PLCB1: variants seen among roughly 807,000 people sequenced by gnomAD.
PLCB1 encodes the protein 1-phosphatidylinositol 4,5-bisphosphate phosphodiesterase beta-1.
A neutral mutation model predicts 161.8 loss-of-function variants in PLCB1; 46 were observed. That is an observed-to-expected ratio of 0.28 (90% CI 0.22 to 0.36). The LOEUF (loss-of-function observed/expected upper bound fraction) is 0.36, where lower values mean the gene tolerates loss of function less well. Ranked by LOEUF, PLCB1 falls within the 10% of genes least tolerant of loss-of-function variation. The probability of loss-of-function intolerance (pLI) is 1.00; values close to 1 mark genes in which losing one functional copy is unlikely to be tolerated. For missense variants in PLCB1, 1,016 were observed against 1,472.5 expected, an observed-to-expected ratio of 0.69 and a Z score of 5.07; for synonymous variants, 517 against 503.7, an observed-to-expected ratio of 1.03 and a Z score of -0.35.
chr20:8,539,574 T>C (rs757172077), intron 3 of PLCB1, among the ~76,000 whole-genome samples: 9 of 152,144 alleles, frequency 5.9e-5, no homozygotes, highest in Admixed American at 1.3e-4. Context: ...CAGTGCCTAA[T>C]ATTATGCTTG....
chr20:8,512,003 G>A (rs6086477), intron 3 of PLCB1, among the ~76,000 whole-genome samples: 40,877 of 151,816 alleles, frequency 0.27, 5,791 homozygotes, highest in East Asian at 0.46. Flanking sequence ...ATGGACAGTC[G>A]CACGTTACCA....
At chr20:8,664,826 G>A (rs756629575) in intron 9 of PLCB1, among the ~76,000 whole-genome samples, 12 of 152,062 alleles carry the variant, frequency 7.9e-5, no homozygotes, top group Non-Finnish European at 1.0e-4. Context: ...CACCAGCAGC[G>A]CCAAGCCTAT....
At chr20:8,620,685 A>G (rs1988154815) in intron 3 of PLCB1, among the ~76,000 whole-genome samples, 1 of 148,480 alleles carries the variant, frequency 6.7e-6, no homozygotes. Context: ...GCTGCAGTGA[A>G]CTCAGATTGC....
rs1323863423 is a variant in PLCB1, at chr20:8,316,053, G to A, written c.178-55329G>A. On this transcript the variant is annotated intron_variant, in intron 2 of 31. Coordinates refer to ENST00000338037, the MANE Select transcript of PLCB1 (RefSeq NM_015192.4). ...CCAGTTACCAGCAATTATAATCTTG[G>A]CAGTTTTACTCACCTTGAATAAGCA... Among the ~76,000 whole-genome samples the A allele has an allele frequency of 2.0e-5, 3 of 152,030 alleles. No individual in the cohort carries two copies. The South Asian group carries it at 6.2e-4, about 32-fold the overall frequency.
intron 3 of PLCB1, among the ~76,000 whole-genome samples, chr20:8,547,469 G>A (rs1297875298): frequency 1.3e-5 from 2 of 152,088 alleles, no homozygotes; most frequent in Non-Finnish European, 2.9e-5. Context: ...TCTAAATAAC[G>A]TCACCACCAC....
At chr20:8,194,700 C>T (rs958803389) in intron 2 of PLCB1, among the ~76,000 whole-genome samples, 18 of 152,064 alleles carry the variant, frequency 1.2e-4, no homozygotes, top group African/African-American at 4.3e-4. Context: ...TATTTTCAGT[C>T]TGACATCTGT....
intron 31 of PLCB1, among the ~76,000 whole-genome samples, chr20:8,837,451 A>T (rs901805857): frequency 6.6e-6 from 1 of 152,234 alleles, no homozygotes; most frequent in African/African-American, 2.4e-5. Context: ...ATTTATTGAT[A>T]TGGATAAAGG....
At chr20:8,636,227 A>G (rs754431898) in intron 4 of PLCB1, among the ~76,000 whole-genome samples, 20 of 152,126 alleles carry the variant, frequency 1.3e-4, no homozygotes, top group Non-Finnish European at 2.4e-4. Flanking sequence ...GATCCATGTT[A>G]TTGTGTTTTG....
chr20:8,579,716 C>A (rs1342636744), intron 3 of PLCB1, among the ~76,000 whole-genome samples: 1 of 152,080 alleles, frequency 6.6e-6, no homozygotes. Context: ...ATTCTGTCTT[C>A]ATTTTTTTTT....
At chr20:8,846,242 T>A (rs1360016833) in intron 31 of PLCB1, among the ~76,000 whole-genome samples, 1 of 150,804 alleles carries the variant, frequency 6.6e-6, no homozygotes, top group Non-Finnish European at 1.5e-5. Context: ...CCAGATCTCA[T>A]GAGAAGTCAC....
At chr20:8,772,861 C>A (rs977908020) in intron 26 of PLCB1, among the ~76,000 whole-genome samples, 1 of 151,946 alleles carries the variant, frequency 6.6e-6, no homozygotes, top group Non-Finnish European at 1.5e-5. Flanking sequence ...ACCTGGAAGG[C>A]GGAAGTTGTG....
chr20:8,645,243 C>A (rs1220961859), intron 4 of PLCB1, among the ~76,000 whole-genome samples: 1 of 151,420 alleles, frequency 6.6e-6, no homozygotes, highest in East Asian at 1.9e-4. Flanking sequence ...GACCTTCCCT[C>A]CACTATTGTC....
chr20:8,666,187 G>C (rs1230841931), intron 9 of PLCB1, among the ~76,000 whole-genome samples: 1 of 152,122 alleles, frequency 6.6e-6, no homozygotes, highest in Non-Finnish European at 1.5e-5. Context: ...ACTGCCCACA[G>C]CTGTAACCTG....
chr20:8,457,579 G>A (rs170549), intron 3 of PLCB1, among the ~76,000 whole-genome samples: 50,855 of 152,026 alleles, frequency 0.33, 8,884 homozygotes, highest in Non-Finnish European at 0.39. Context: ...ATTTTAATCA[G>A]TCGTCTATTT....
At chr20:8,781,342 G>A (rs1419993238) in intron 27 of PLCB1, among the ~76,000 whole-genome samples, 1 of 151,002 alleles carries the variant, frequency 6.6e-6, no homozygotes, top group Non-Finnish European at 1.5e-5. Flanking sequence ...TAAAATAATT[G>A]TTGACATTTT....
At chr20:8,668,000 G>A (rs1170286033) in intron 9 of PLCB1, among the ~76,000 whole-genome samples, 3 of 152,148 alleles carry the variant, frequency 2.0e-5, no homozygotes, top group Non-Finnish European at 4.4e-5. Flanking sequence ...CTCTGGCTCA[G>A]TCAAAACTGC....
At chr20:8,551,171 A>G (rs1186789532) in intron 3 of PLCB1, among the ~76,000 whole-genome samples, 1 of 152,150 alleles carries the variant, frequency 6.6e-6, no homozygotes, top group Non-Finnish European at 1.5e-5. Flanking sequence ...TAACTGAAGG[A>G]TAGGAATTTT....
intron 2 of PLCB1, among the ~76,000 whole-genome samples, chr20:8,295,702 A>G (rs973355531): frequency 1.8e-4 from 27 of 152,024 alleles, no homozygotes; most frequent in South Asian, 1.7e-3. Context: ...CTCTCTATAT[A>G]TATATCCTCT....
intron 3 of PLCB1, among the ~76,000 whole-genome samples, chr20:8,482,305 C>T (rs1426582384): frequency 2.6e-5 from 4 of 151,772 alleles, no homozygotes; most frequent in East Asian, 3.9e-4. Context: ...GGTTTCACCA[C>T]GTTGGGCAGG....
Sources: gnomAD v4.1 joint callset for allele counts (sites outside exome capture counted in the v4.1 genomes callset) on GRCh38, gnomAD v4.1.1 for gene constraint, MANE v1.5 for transcripts, NCBI Gene and HGNC (gene_info 2026-07-23, HGNC 2026-07-21) for gene names.